The following COLQ variants were observed in gnomAD, a reference collection of about 807,000 sequenced individuals.
COLQ encodes the protein collagen like tail subunit of asymmetric acetylcholinesterase.
A neutral mutation model predicts 69.0 loss-of-function variants in COLQ; 48 were observed. The observed-to-expected ratio is 0.70, with a 90% CI of 0.55 to 0.88. The LOEUF is 0.88. Ranked by LOEUF, COLQ falls within the 40% of genes least tolerant of loss-of-function variation. The pLI is 0.00. For missense variants in COLQ, 618 were observed against 594.6 expected (o/e 1.04, Z -0.41); for synonymous variants, 217 against 211.2 (o/e 1.03, Z -0.24).
At chr3:15,502,500 C>G (rs964207889) in intron 1 of COLQ, among the ~76,000 whole-genome samples, 1 of 152,128 alleles carries the variant, frequency 6.6e-6, no homozygotes, top group Non-Finnish European at 1.5e-5. Context: ...ACTGCAACCT[C>G]CACCTCCTGG....
In COLQ at chr3:15,455,920, C is replaced by A. The variant is rs749266800; in HGVS notation, c.1174G>T (p.Asp392Tyr). 3 of 1,614,052 alleles carry A rather than the reference C, an allele frequency of 1.9e-6. No individual in the cohort carries two copies. The African/African-American group carries it at 4.0e-5, about 22-fold the overall frequency. ...TCACGGATGCAGTCGTCACCCACAT[C>A]GCTGTTACCGTCGTCACACTCCTCC... Reference protein sequence around the residue: ...PGEECDDGNSDVGDDCIRCHR... With the variant: ...PGEECDDGNSYVGDDCIRCHR... The change falls in exon 15 of 17, where the codon GAT (aspartate) becomes TAT (tyrosine). Residue 392 changes from aspartate to tyrosine, a missense_variant. Asp to Tyr is a radical substitution (Grantham distance 160, BLOSUM62 -3). Transcript: ENST00000383788.
In COLQ at chr3:15,496,411, A is replaced by G. The variant is rs117802489; in HGVS notation, c.107-6774T>C. 243 of 156,188 alleles carry G rather than the reference A, an allele frequency of 1.6e-3. 5 individuals carry two copies. The East Asian group carries it at 0.037, about 24-fold the overall frequency. 9.7% of individuals were successfully genotyped at this position (156,188 alleles called of 1,614,324 possible). On this transcript the variant is annotated intron_variant, in intron 1 of 16. Coordinates refer to ENST00000383788, the MANE Select transcript of COLQ (RefSeq NM_005677.4). ...CCCCCTCCCTCCTCCCTCCCAGTCA[A>G]CTAAGCCAGGACTTCACATGTCTAT...
At chr3:15,479,676 C>G (rs2062443443) in intron 3 of COLQ, among the ~76,000 whole-genome samples, 1 of 152,150 alleles carries the variant, frequency 6.6e-6, no homozygotes, top group Admixed American at 6.5e-5. Context: ...TAAAACATCC[C>G]AAGTGCTTGT....
rs149532541 is a variant in COLQ at position 15,456,503 on chromosome 3, C to T, written c.1031G>A (p.Arg344Lys). Reference sequence around the variant, plus strand: ...AAGGCTGTCCTTGAAGTACAGAGATCTCTGGTCTCTGCGGAAGGCAATGGC... The same window carrying T: ...AAGGCTGTCCTTGAAGTACAGAGATTTCTGGTCTCTGCGGAAGGCAATGGC... ...QNAIAFRRDQ[R>K]SLYFKDSLGW... The change falls in exon 14 of 17, where the codon AGA (arginine) becomes AAA (lysine). Residue 344 changes from arginine (R) to lysine (K), a missense_variant. Physicochemically the swap from Arg to Lys is conservative, Grantham distance 26. Transcript: ENST00000383788. 3.7e-6 allele frequency: 6 copies of T among 1,614,204 alleles called. No homozygotes were observed. Among genetic ancestry groups the T allele is most frequent in the Non-Finnish European group, 5.1e-6 (6 of 1,180,024 alleles).
chr3:15,491,233 T>C, intron 1 of COLQ, among the ~76,000 whole-genome samples: 1 of 152,164 alleles, frequency 6.6e-6, no homozygotes, highest in East Asian at 1.9e-4. Context: ...CCAAAATGCA[T>C]GTATTAAAAT....
chr3:15,485,580 G>A (rs2062560201), intron 3 of COLQ, among the ~76,000 whole-genome samples: 1 of 152,178 alleles, frequency 6.6e-6, no homozygotes, highest in South Asian at 2.1e-4. Context: ...CTCAGCCTGT[G>A]GTTCCCAAGT....
At chr3:15,483,490 C>T (rs1024222505) in intron 3 of COLQ, among the ~76,000 whole-genome samples, 4 of 152,168 alleles carry the variant, frequency 2.6e-5, no homozygotes, top group African/African-American at 9.7e-5. Flanking sequence ...CATTCAGGAG[C>T]AGGTTGTTCA....
chr3:15,509,140 T>C lies in COLQ; in HGVS notation c.106+12380A>G, dbSNP rs535262240. ...ATATGGCCAGAATATTGGGCATCTATGTCAAATCAGCCACTATTTGCTGGC... is the reference window on the plus strand; with the variant it reads ...ATATGGCCAGAATATTGGGCATCTACGTCAAATCAGCCACTATTTGCTGGC... On this transcript the variant is annotated intron_variant, in intron 1 of 16. Transcript: ENST00000383788. Among the ~76,000 whole-genome samples, 5 of 152,366 alleles carry C rather than the reference T, an allele frequency of 3.3e-5. 1 individual carries two copies. The highest frequency in any genetic ancestry group is 4.1e-4 in the South Asian group (2 of 4,830).
At chr3:15,476,551 G>A (rs2062381706) in intron 6 of COLQ, among the ~76,000 whole-genome samples, 1 of 152,144 alleles carries the variant, frequency 6.6e-6, no homozygotes. Context: ...AGATCCACCT[G>A]CCCAGCTCTG....
chr3:15,517,091 C>T (rs1479808693), intron 1 of COLQ, among the ~76,000 whole-genome samples: 5 of 152,068 alleles, frequency 3.3e-5, no homozygotes, highest in Non-Finnish European at 5.9e-5. Context: ...TGCAGTGAGC[C>T]GAGATCGCAC....
At chr3:15,476,997 T>G (rs1301604649) in intron 6 of COLQ, 129 bp downstream of exon 6, 4 of 973,666 alleles carry the variant, frequency 4.1e-6, no homozygotes, top group Non-Finnish European at 6.4e-6. Flanking sequence ...TGGCCAGTCC[T>G]TAAGCTCTCT....
chr3:15,458,316 A>G lies in COLQ; in HGVS notation c.824T>C (p.Ile275Thr), dbSNP rs1309624825. The change falls in exon 13 of 17, where the codon ATA becomes ACA. Residue 275 changes from isoleucine to threonine, a missense_variant. Coordinates refer to ENST00000383788, the MANE Select transcript of COLQ (RefSeq NM_005677.4). ...TCCTCTTTCCCCTTTGGGTCCCATT[A>G]TAAGTTGTCCTAGGAAGCAACAGAC... ...PPGPPPAGQL[I>T]MGPKGERGFP... 3 of 1,613,966 alleles carry G rather than the reference A, an allele frequency of 1.9e-6. No individual in the cohort carries two copies. The highest frequency in any genetic ancestry group is 2.2e-5 in the East Asian group (1 of 44,890).
chr3:15,475,342 C>G, intron 7 of COLQ, 83 bp downstream of exon 7: 1 of 1,316,210 alleles, frequency 7.6e-7, no homozygotes, highest in Non-Finnish European at 1.1e-6. Flanking sequence ...ACTGCAGCCC[C>G]ACCCAGTCCC....
chr3:15,480,223 G>A (rs1188318294), intron 3 of COLQ, among the ~76,000 whole-genome samples: 1 of 152,140 alleles, frequency 6.6e-6, no homozygotes, highest in Non-Finnish European at 1.5e-5. Flanking sequence ...GGGTACATGT[G>A]CACAACGTGC....
rs189169638 is a variant in COLQ at position 15,479,145 on chromosome 3, T to C, written c.367-142A>G. 1.3e-4 allele frequency: 149 copies of C among 1,185,478 alleles called. No homozygotes were observed. The East Asian group carries it at 3.2e-3, about 25-fold the overall frequency. The allele number at this position is 1,185,478 out of a possible 1,614,324, so 73.4% of individuals were successfully genotyped here. On this transcript the variant is annotated intron_variant, in intron 4 of 16. Coordinates refer to ENST00000383788, the MANE Select transcript of COLQ (RefSeq NM_005677.4). Reference sequence around the variant, plus strand: ...GCTCACGGCCCCTCTGCCATGTCGATAGGCCACGTCAAAATACACCAGTGG... The same window carrying C: ...GCTCACGGCCCCTCTGCCATGTCGACAGGCCACGTCAAAATACACCAGTGG...
chr3:15,501,352 T>C (rs1160534731), intron 1 of COLQ, among the ~76,000 whole-genome samples: 1 of 152,202 alleles, frequency 6.6e-6, no homozygotes, highest in African/African-American at 2.4e-5. Context: ...CTGAAGTAGA[T>C]TCTGCTTTGC....
chr3:15,458,355 G>C (rs1180178196), intron 12 of COLQ, 30 bp from the exon 13 acceptor site: 1 of 1,613,928 alleles, frequency 6.2e-7, no homozygotes. Flanking sequence ...TGTGTTACTA[G>C]AGCCAAGGAA....
chr3:15,506,557 G>C (rs1037870656), intron 1 of COLQ: 1 of 152,112 alleles, frequency 6.6e-6, no homozygotes, highest in African/African-American at 2.4e-5. Flanking sequence ...TACTCAAAGG[G>C]TTACTTGTAA....
intron 16 of COLQ, 42 bp from the exon 17 acceptor site, chr3:15,451,755 A>G: frequency 6.4e-7 from 1 of 1,551,714 alleles, no homozygotes. Flanking sequence ...CACCTCTTAT[A>G]TGCTGGTGAC....
Sources: gnomAD v4.1 joint callset for allele counts (sites outside exome capture counted in the v4.1 genomes callset) on GRCh38, gnomAD v4.1.1 for gene constraint, MANE v1.5 for transcripts, NCBI Gene and HGNC (gene_info 2026-07-23, HGNC 2026-07-21) for gene names.